Variants in MICU1 observed in about 807,000 individuals in gnomAD.
MICU1 encodes calcium uptake protein 1, mitochondrial.
Under a neutral mutation model 56.8 loss-of-function variants are expected in MICU1, and 45 were observed. That is an observed-to-expected ratio of 0.79 (90% confidence interval 0.62 to 1.02). The LOEUF (loss-of-function observed/expected upper bound fraction) is 1.02, where lower values mean the gene tolerates loss of function less well. Among genes scored for constraint, MICU1 ranks in the 50% least tolerant of loss-of-function variants. The probability of loss-of-function intolerance (pLI) is 0.00; values close to 1 mark genes in which losing one functional copy is unlikely to be tolerated. For synonymous variants in MICU1, 186 were observed against 195.1 expected (o/e 0.95, Z 0.39); for missense variants, 504 against 587.1 (o/e 0.86, Z 1.46).
rs144443165 is a variant in MICU1 at position 72,467,102 on chromosome 10, G to A, written c.933+7998C>T. Among the ~76,000 whole-genome samples, 27 of 152,104 alleles carry A rather than the reference G, an allele frequency of 1.8e-4. No homozygotes were observed. In the East Asian group the frequency reaches 3.9e-3, roughly 22 times the overall value. On this transcript the variant is annotated intron_variant, in intron 8 of 11. Transcript: ENST00000361114. ...CGACCTCCACCTCCTGGGTCCAGGC[G>A]ATTCTTGTGCCTCAGCCTCCCGAGT...
chr10:72,390,535 T>C (rs1051480994), intron 10 of MICU1, among the ~76,000 whole-genome samples: 3 of 152,230 alleles, frequency 2.0e-5, no homozygotes, highest in East Asian at 1.9e-4. Context: ...TATTGCAGTA[T>C]ACAGTGTTCT....
chr10:72,621,716 T>G (rs940712296), intron 1 of MICU1, among the ~76,000 whole-genome samples: 1 of 152,146 alleles, frequency 6.6e-6, no homozygotes, highest in African/African-American at 2.4e-5. Flanking sequence ...ATACATAATA[T>G]ATTTAAAGTT....
At chr10:72,534,271 T>C (rs1053023399) in intron 4 of MICU1, among the ~76,000 whole-genome samples, 22 of 151,560 alleles carry the variant, frequency 1.5e-4, no homozygotes, top group African/African-American at 4.6e-4. Flanking sequence ...CCTTTTAAAA[T>C]TAGGTTAAAT....
intron 10 of MICU1, among the ~76,000 whole-genome samples, chr10:72,404,643 T>A (rs575808700): frequency 6.6e-6 from 1 of 152,210 alleles, no homozygotes; most frequent in South Asian, 2.1e-4. Flanking sequence ...TGGAATATTA[T>A]GAACAACTTC....
intron 6 of MICU1, among the ~76,000 whole-genome samples, chr10:72,478,941 T>C (rs2132276204): frequency 6.6e-6 from 1 of 152,330 alleles, no homozygotes; most frequent in Non-Finnish European, 1.5e-5. Flanking sequence ...CAGCCTTCAA[T>C]TGCTGGGAAG....
intron 5 of MICU1, among the ~76,000 whole-genome samples, chr10:72,510,989 T>A (rs1312196203): frequency 3.3e-5 from 5 of 152,200 alleles, no homozygotes. Flanking sequence ...TTTATAGCTA[T>A]TTTCACCCTG....
At chr10:72,427,219 G>C (rs1864373702) in intron 8 of MICU1, among the ~76,000 whole-genome samples, 1 of 152,150 alleles carries the variant, frequency 6.6e-6, no homozygotes. Context: ...TTGTTCCCCA[G>C]GGGGCTGCAG....
At chr10:72,461,581 A>G (rs1427843107) in intron 8 of MICU1, among the ~76,000 whole-genome samples, 1 of 152,236 alleles carries the variant, frequency 6.6e-6, no homozygotes, top group Non-Finnish European at 1.5e-5. Flanking sequence ...AAAGCAGAAC[A>G]ATGTTTTTCT....
chr10:72,599,353 G>A (rs1841462318), intron 1 of MICU1, among the ~76,000 whole-genome samples: 1 of 152,088 alleles, frequency 6.6e-6, no homozygotes, highest in Admixed American at 6.6e-5. Context: ...AATATTAAAT[G>A]TGAATTCCTA....
chr10:72,500,495 T>C (rs1018207492), intron 6 of MICU1, among the ~76,000 whole-genome samples: 1 of 151,180 alleles, frequency 6.6e-6, no homozygotes, highest in African/African-American at 2.4e-5. Context: ...GTAATTTTTG[T>C]ATTTTTAGTA....
intron 11 of MICU1, 109 bp downstream of exon 11, chr10:72,375,674 A>G: frequency 1.0e-6 from 1 of 987,610 alleles, no homozygotes; most frequent in East Asian, 2.8e-5. Context: ...GGGTAGCTTG[A>G]AGAGGATGGG....
intron 6 of MICU1, among the ~76,000 whole-genome samples, chr10:72,497,897 A>T (rs954412568): frequency 2.6e-5 from 4 of 152,328 alleles, no homozygotes; most frequent in Non-Finnish European, 4.4e-5. Flanking sequence ...GCTAAATACA[A>T]TATCAGGTGC....
chr10:72,478,337 T>A (rs1435763777), intron 6 of MICU1, among the ~76,000 whole-genome samples: 1 of 152,244 alleles, frequency 6.6e-6, no homozygotes, highest in African/African-American at 2.4e-5. Flanking sequence ...CCTAGATCAG[T>A]CATAATATCA....
At chr10:72,527,237 A>G (rs1249363244) in intron 5 of MICU1, among the ~76,000 whole-genome samples, 2 of 152,212 alleles carry the variant, frequency 1.3e-5, no homozygotes, top group African/African-American at 4.8e-5. Flanking sequence ...AATTTTAATA[A>G]AAGGTCATAC....
rs1199987987 is a variant in MICU1, at chr10:72,512,100, G to GTTTTTTTTTTT, written c.538-3832_538-3831insAAAAAAAAAAA. ...ATCAATCTGGCATCCATACACAGTT[G>GTTTTTTTTTTT]TTTTTTGTTTTTTTTTTTTTTTTTT... On this transcript the variant is annotated intron_variant, in intron 5 of 11. Coordinates refer to ENST00000361114, the MANE Select transcript of MICU1 (RefSeq NM_001195518.2). Among the ~76,000 whole-genome samples the GTTTTTTTTTTT allele has an allele frequency of 5.5e-4, 45 of 82,336 alleles. 11 individuals are homozygous for GTTTTTTTTTTT. The highest frequency in any genetic ancestry group is 2.6e-3 in the African/African-American group (44 of 17,242). 54.0% of individuals were successfully genotyped at this position (82,336 alleles called of 152,430 possible). A position where few individuals can be genotyped will look rare whatever the true frequency, so the allele number is the denominator to read the frequency against.
At chr10:72,466,261 C>T (rs1013104811) in intron 8 of MICU1, among the ~76,000 whole-genome samples, 1 of 152,156 alleles carries the variant, frequency 6.6e-6, no homozygotes, top group African/African-American at 2.4e-5. Context: ...TTCATGTCCC[C>T]GCGGAACAAG....
chr10:72,380,311 C>G (rs1488395380), intron 10 of MICU1, among the ~76,000 whole-genome samples: 1 of 152,104 alleles, frequency 6.6e-6, no homozygotes, highest in Non-Finnish European at 1.5e-5. Flanking sequence ...GCCCAGCTGC[C>G]TGAACAAAGG....
At chr10:72,414,381 A>T (rs1863917296) in intron 9 of MICU1, among the ~76,000 whole-genome samples, 2 of 152,240 alleles carry the variant, frequency 1.3e-5, no homozygotes. Context: ...ATAATAAACT[A>T]TTAATATAAG....
At chr10:72,581,991 G>A (rs1410963225) in intron 1 of MICU1, among the ~76,000 whole-genome samples, 5 of 152,182 alleles carry the variant, frequency 3.3e-5, no homozygotes, top group East Asian at 1.9e-4. Flanking sequence ...GAGCAATGGC[G>A]CGATCTCAGC....
Sources: allele counts gnomAD v4.1 joint callset (sites outside exome capture counted in the v4.1 genomes callset), GRCh38; gene constraint gnomAD v4.1.1; transcripts MANE v1.5; gene names NCBI Gene and HGNC (gene_info 2026-07-23, HGNC 2026-07-21).